Variants in FAM20C observed in about 807,000 individuals in gnomAD.
FAM20C encodes FAM20C golgi associated secretory pathway kinase, also known as extracellular serine/threonine protein kinase FAM20C.
A neutral mutation model predicts 51.5 loss-of-function variants in FAM20C; 40 were observed. That is an observed-to-expected ratio of 0.78 (90% CI 0.60 to 1.01). FAM20C has a LOEUF of 1.01. FAM20C is among the 50% of genes least tolerant of loss of function. The pLI, the probability that FAM20C is intolerant of heterozygous loss-of-function variation, is 0.00. For synonymous variants in FAM20C, 406 were observed against 380.6 expected, an observed-to-expected ratio of 1.07 and a Z score of -0.78; for missense variants, 861 against 844.7, an observed-to-expected ratio of 1.02 and a Z score of -0.24.
At chr7:232,489 C>G (rs916406141) in intron 3 of FAM20C, among the ~76,000 whole-genome samples, 17 of 152,318 alleles carry the variant, frequency 1.1e-4, no homozygotes, top group African/African-American at 4.1e-4. Context: ...GAAGGTTTTG[C>G]GAATCAATTC....
At chr7:233,952 G>C (rs1356701315) in intron 3 of FAM20C, among the ~76,000 whole-genome samples, 1 of 152,204 alleles carries the variant, frequency 6.6e-6, no homozygotes, top group South Asian at 2.1e-4. Context: ...GCTCTGGGGG[G>C]AGGGAGAGAA....
At chr7:242,196 C>T (rs990628506) in intron 3 of FAM20C, among the ~76,000 whole-genome samples, 6 of 152,310 alleles carry the variant, frequency 3.9e-5, no homozygotes, top group Non-Finnish European at 7.4e-5. Context: ...GTGCCCGTCC[C>T]GCAACAGCTC....
At chr7:223,684 A>AC (rs1480348711) in intron 3 of FAM20C, among the ~76,000 whole-genome samples, 4 of 152,222 alleles carry the variant, frequency 2.6e-5, no homozygotes, top group Admixed American at 6.5e-5. Context: ...CTGCAGTCAC[A>AC]GGGAGGGGCC....
intron 3 of FAM20C, among the ~76,000 whole-genome samples, chr7:236,034 A>G (rs1011864346): frequency 3.9e-5 from 6 of 152,172 alleles, no homozygotes; most frequent in African/African-American, 1.4e-4. Context: ...CTCACCTGGC[A>G]TACCTTCTGT....
At chr7:212,412 G>C (rs1483429231) in intron 3 of FAM20C, among the ~76,000 whole-genome samples, 1 of 152,248 alleles carries the variant, frequency 6.6e-6, no homozygotes. Flanking sequence ...ACAGTGAGCC[G>C]AGCTGACGCC....
intron 9 of FAM20C, among the ~76,000 whole-genome samples, 155 bp from the exon 10 acceptor site, chr7:259,576 G>GTCTCTTTCTGTCTGTC (rs1788799062): frequency 1.0e-4 from 4 of 39,420 alleles, no homozygotes; most frequent in South Asian, 6.6e-4. Flanking sequence ...CTTTCTCTGT[G>GTCTCTTTCTGTCTGTC]TATGTCTCTG....
chr7:224,123 G>A (rs1337598511), intron 3 of FAM20C, among the ~76,000 whole-genome samples: 6 of 148,158 alleles, frequency 4.0e-5, no homozygotes, highest in African/African-American at 7.7e-5. Context: ...AGAGCAGAAC[G>A]GCACCCTCAC....
chr7:236,538 G>C (rs942463239), intron 3 of FAM20C, among the ~76,000 whole-genome samples: 1 of 152,178 alleles, frequency 6.6e-6, no homozygotes, highest in Non-Finnish European at 1.5e-5. Context: ...GGACCCCCTG[G>C]GATCGTCTTG....
chr7:216,619 ATGAGTGTGTG>A (rs776848675), intron 3 of FAM20C, among the ~76,000 whole-genome samples: 43,604 of 130,952 alleles, frequency 0.33, 6,523 homozygotes, highest in East Asian at 0.4. Flanking sequence ...GTGTGTGTGT[ATGAGTGTGTG>A]TGAGTGTGTG....
intron 3 of FAM20C, among the ~76,000 whole-genome samples, chr7:210,850 C>G (rs1786673669): frequency 6.6e-6 from 1 of 152,076 alleles, no homozygotes; most frequent in East Asian, 1.9e-4. Flanking sequence ...ATTTACCGAG[C>G]CGCTGCTCTA....
chr7:198,970 GGTCT>G (rs1332389349), intron 2 of FAM20C, among the ~76,000 whole-genome samples: 1 of 152,238 alleles, frequency 6.6e-6, no homozygotes, highest in Non-Finnish European at 1.5e-5. Flanking sequence ...TTTGTGAAGA[GGTCT>G]GTCTTCCTGA....
chr7:230,626 G>A (rs1234172501), intron 3 of FAM20C, among the ~76,000 whole-genome samples: 2 of 152,242 alleles, frequency 1.3e-5, no homozygotes, highest in African/African-American at 4.8e-5. Context: ...AAAATCGGTG[G>A]AAAAACGCCT....
intron 3 of FAM20C, among the ~76,000 whole-genome samples, chr7:237,774 G>A (rs1280748649): frequency 6.6e-6 from 1 of 152,256 alleles, no homozygotes; most frequent in African/African-American, 2.4e-5. Context: ...TGATGGTGAT[G>A]ATGATGTTGA....
intron 2 of FAM20C, among the ~76,000 whole-genome samples, chr7:196,562 G>A (rs972770821): frequency 1.3e-5 from 2 of 152,188 alleles, no homozygotes; most frequent in African/African-American, 4.8e-5. Flanking sequence ...AGGTGCAGAG[G>A]CCATGACAGC....
At chr7:229,858 C>A (rs923801670) in intron 3 of FAM20C, among the ~76,000 whole-genome samples, 1 of 151,896 alleles carries the variant, frequency 6.6e-6, no homozygotes, top group African/African-American at 2.4e-5. Context: ...TGCCTCCGTG[C>A]CTTCATTTAG....
At chr7:223,213 C>T (rs888047036) in intron 3 of FAM20C, among the ~76,000 whole-genome samples, 5 of 152,114 alleles carry the variant, frequency 3.3e-5, no homozygotes, top group Non-Finnish European at 5.9e-5. Context: ...CTGTCCAAAG[C>T]CTGAAGTGTG....
At position 249,163 on chromosome 7, in the gene FAM20C, C is replaced by A. The variant is rs552932320; in HGVS notation, c.1072+733C>A. Among the ~76,000 whole-genome samples, 9 of 152,356 alleles carry A rather than the reference C, an allele frequency of 5.9e-5. No individual in the cohort carries two copies. In the South Asian group the frequency reaches 1.9e-3, roughly 32 times the overall value. ...GCCCAGCCAGCAAACATCCATGGGA[C>A]CTCCCCACTCGGACTTAAACACACT... On this transcript the variant is annotated intron_variant, in intron 5 of 9. Coordinates refer to ENST00000313766, the MANE Select transcript of FAM20C (RefSeq NM_020223.4).
At chr7:195,414 T>C in intron 1 of FAM20C, 140 bp from the exon 2 acceptor site, 1 of 758,550 alleles carries the variant, frequency 1.3e-6, no homozygotes, top group East Asian at 3.2e-5. Context: ...CAGGGCCCTC[T>C]TTAAGCAGAG....
At chr7:233,253 C>T (rs1473912074) in intron 3 of FAM20C, among the ~76,000 whole-genome samples, 1 of 152,232 alleles carries the variant, frequency 6.6e-6, no homozygotes, top group Non-Finnish European at 1.5e-5. Context: ...TTGTGAACAG[C>T]AGTGCCTTCT....
Sources: allele counts gnomAD v4.1 joint callset (sites outside exome capture counted in the v4.1 genomes callset), GRCh38; gene constraint gnomAD v4.1.1; transcripts MANE v1.5; gene names NCBI Gene and HGNC (gene_info 2026-07-23, HGNC 2026-07-21).